PLAG1: variants seen among roughly 807,000 people sequenced by gnomAD.
PLAG1 encodes the protein PLAG1 zinc finger, also known as zinc finger protein PLAG1.
In PLAG1, 7 loss-of-function variants were observed where a neutral mutation model predicts 35.5. That is an observed-to-expected ratio of 0.20 (90% CI 0.11 to 0.37). The LOEUF is 0.37. Among genes scored for constraint, PLAG1 ranks in the 10% least tolerant of loss-of-function variants. The probability of loss-of-function intolerance (pLI) is 1.00; values close to 1 mark genes in which losing one functional copy is unlikely to be tolerated. For synonymous variants in PLAG1, 229 were observed against 225.4 expected (o/e 1.02, Z -0.14); for missense variants, 454 against 602.8 (o/e 0.75, Z 2.58).
chr8:56,173,782 C>T (rs775334660), intron 2 of PLAG1, among the ~76,000 whole-genome samples: 18 of 152,036 alleles, frequency 1.2e-4, no homozygotes, highest in Non-Finnish European at 2.4e-4. Flanking sequence ...TTTTCCAGGG[C>T]AACTTTGCAT....
chr8:56,189,213 A>C (rs1812110120), intron 1 of PLAG1, among the ~76,000 whole-genome samples: 1 of 152,200 alleles, frequency 6.6e-6, no homozygotes, highest in Non-Finnish European at 1.5e-5. Flanking sequence ...TGTCCAATCT[A>C]TTTGCTCACC....
At chr8:56,180,570 G>T (rs112209132) in intron 1 of PLAG1, among the ~76,000 whole-genome samples, 3 of 152,198 alleles carry the variant, frequency 2.0e-5, no homozygotes, top group South Asian at 4.1e-4. Context: ...GTATTGCCTA[G>T]GTTTTCTTCT....
At chr8:56,196,833 A>C (rs1812382387) in intron 1 of PLAG1, among the ~76,000 whole-genome samples, 1 of 149,038 alleles carries the variant, frequency 6.7e-6, no homozygotes. Context: ...CTCTCCCCTC[A>C]CCCCATCCAG....
chr8:56,194,576 G>GT (rs1812297078), intron 1 of PLAG1, among the ~76,000 whole-genome samples: 1 of 149,410 alleles, frequency 6.7e-6, no homozygotes, highest in African/African-American at 2.4e-5. Flanking sequence ...CTCAGCACTG[G>GT]GTGTGTGTGT....
At chr8:56,182,003 G>A (rs886231821) in intron 1 of PLAG1, among the ~76,000 whole-genome samples, 2 of 152,224 alleles carry the variant, frequency 1.3e-5, no homozygotes, top group Non-Finnish European at 2.9e-5. Flanking sequence ...AACCACAGAT[G>A]ATTAGATTCT....
At chr8:56,179,731 A>G (rs1355967698) in intron 1 of PLAG1, among the ~76,000 whole-genome samples, 2 of 151,842 alleles carry the variant, frequency 1.3e-5, no homozygotes, top group African/African-American at 4.8e-5. Flanking sequence ...CTCCCGAATC[A>G]CAGTTATCTA....
Position 56,169,194 on chromosome 8 carries a change from C to T in PLAG1, c.-117-808G>A, listed in dbSNP as rs1811444398. On this transcript the variant is annotated intron_variant, in intron 3 of 4. Transcript: ENST00000316981. Reference sequence around the variant, plus strand: ...AGTAGGTAAACGAGTCAGCAGGCATCCCCAAGAGCTGAGGGCATTGGCCTT... The same window carrying T: ...AGTAGGTAAACGAGTCAGCAGGCATTCCCAAGAGCTGAGGGCATTGGCCTT... Among the ~76,000 whole-genome samples, 3 of 152,136 alleles carry T rather than the reference C, an allele frequency of 2.0e-5. No homozygotes were observed. The South Asian group carries it at 6.2e-4, about 32-fold the overall frequency.
chr8:56,179,896 C>T (rs1811814879), intron 1 of PLAG1, among the ~76,000 whole-genome samples: 2 of 152,106 alleles, frequency 1.3e-5, no homozygotes, highest in African/African-American at 4.8e-5. Flanking sequence ...TTAACAATTG[C>T]TATGGGAGAA....
intron 1 of PLAG1, among the ~76,000 whole-genome samples, chr8:56,191,139 G>C (rs986588958): frequency 6.6e-6 from 1 of 152,176 alleles, no homozygotes; most frequent in African/African-American, 2.4e-5. Context: ...GCTGCTTTTA[G>C]ATCACCCAGT....
intron 2 of PLAG1, among the ~76,000 whole-genome samples, chr8:56,174,439 T>C (rs530417921): frequency 6.6e-6 from 1 of 152,294 alleles, no homozygotes; most frequent in African/African-American, 2.4e-5. Flanking sequence ...TCACTTTCCA[T>C]AGTCTGTAAA....
At chr8:56,183,490 T>C (rs1811933005) in intron 1 of PLAG1, among the ~76,000 whole-genome samples, 1 of 152,186 alleles carries the variant, frequency 6.6e-6, no homozygotes, top group Non-Finnish European at 1.5e-5. Flanking sequence ...AATGTTAAAA[T>C]TGTAAAAAGC....
chr8:56,198,035 G>A (rs1326686518), intron 1 of PLAG1, among the ~76,000 whole-genome samples: 1 of 152,118 alleles, frequency 6.6e-6, no homozygotes, highest in Non-Finnish European at 1.5e-5. Flanking sequence ...AACTCATGTC[G>A]TCCCAGACAC....
intron 1 of PLAG1, among the ~76,000 whole-genome samples, chr8:56,204,523 G>A (rs1040423848): frequency 1.3e-5 from 2 of 151,724 alleles, no homozygotes; most frequent in Non-Finnish European, 3.0e-5. Context: ...TGAGCCAAAG[G>A]GGCTAAATTC....
Position 56,163,697 on chromosome 8 carries a change from A to G in PLAG1, c.*2546T>C, listed in dbSNP as rs1287686355. 4.2e-5 allele frequency: 8 copies of G among 190,510 alleles called. No individual in the cohort carries two copies. The highest frequency in any genetic ancestry group is 8.8e-5 in the Non-Finnish European group (8 of 90,720). 11.8% of individuals were successfully genotyped at this position (190,510 alleles called of 1,614,324 possible). A position where few individuals can be genotyped will look rare whatever the true frequency, so the allele number is the denominator to read the frequency against. On this transcript the variant is annotated 3_prime_UTR_variant, in exon 5 of 5. Coordinates refer to ENST00000316981, the MANE Select transcript of PLAG1 (RefSeq NM_002655.3). The stretch of plus-strand genomic sequence containing the variant: ...TGTATATATACACACACACACACAC[A>G]CATACACATACATACATATATGGCG...
At chr8:56,190,067 C>T (rs1812138529) in intron 1 of PLAG1, among the ~76,000 whole-genome samples, 1 of 152,148 alleles carries the variant, frequency 6.6e-6, no homozygotes, top group Admixed American at 6.5e-5. Context: ...AGCTCTCGGC[C>T]TTGGGTAAAT....
At chr8:56,210,768 A>AGAGGAGGAG (rs527954259) in intron 1 of PLAG1, among the ~76,000 whole-genome samples, 3 of 149,412 alleles carry the variant, frequency 2.0e-5, no homozygotes, top group Non-Finnish European at 3.0e-5. Flanking sequence ...ACAGCACCAG[A>AGAGGAGGAG]GAGGAGGAGG....
intron 1 of PLAG1, among the ~76,000 whole-genome samples, chr8:56,195,639 G>T (rs1488700701): frequency 6.6e-6 from 1 of 152,184 alleles, no homozygotes; most frequent in African/African-American, 2.4e-5. Flanking sequence ...CAGATGTGAG[G>T]AGGCCCAAAG....
intron 1 of PLAG1, among the ~76,000 whole-genome samples, chr8:56,200,734 G>A (rs1211660459): frequency 6.6e-6 from 1 of 152,094 alleles, no homozygotes; most frequent in Non-Finnish European, 1.5e-5. Flanking sequence ...CACCTGAACA[G>A]CCCTGCTTCT....
chr8:56,169,662 C>T (rs1397100963), intron 3 of PLAG1, among the ~76,000 whole-genome samples: 1 of 152,190 alleles, frequency 6.6e-6, no homozygotes, highest in East Asian at 1.9e-4. Context: ...GTGCCTCAGC[C>T]TCCCGAGTAG....
Sources: allele counts gnomAD v4.1 joint callset (sites outside exome capture counted in the v4.1 genomes callset), GRCh38; gene constraint gnomAD v4.1.1; transcripts MANE v1.5; gene names NCBI Gene and HGNC (gene_info 2026-07-23, HGNC 2026-07-21).